The following LSAMP variants were observed in gnomAD, a reference collection of about 807,000 sequenced individuals.
LSAMP encodes limbic system associated membrane protein.
A neutral mutation model predicts 38.6 loss-of-function variants in LSAMP; 7 were observed. The ratio of observed to expected loss-of-function variants is 0.18; its 90% CI spans 0.10 to 0.34. LSAMP has a LOEUF of 0.34. LSAMP is among the 10% of genes least tolerant of loss of function. The probability of loss-of-function intolerance (pLI) is 1.00; values close to 1 mark genes in which losing one functional copy is unlikely to be tolerated. For missense variants in LSAMP, 313 were observed against 420.0 expected (o/e 0.75, Z 2.23); for synonymous variants, 154 against 166.8 (o/e 0.92, Z 0.59).
In LSAMP at chr3:116,119,516, G is replaced by T. The variant is rs1193356776; in HGVS notation, c.156-32960C>A. ...AAAGATAAAATAAAACAAATACTGG[G>T]GTTAGTACATAAAATATATACCATG... On this transcript the variant is annotated intron_variant, in intron 1 of 6. Coordinates refer to ENST00000490035, the MANE Select transcript of LSAMP (RefSeq NM_002338.5). Among the ~76,000 whole-genome samples the T allele has an allele frequency of 3.3e-5, 5 of 151,872 alleles. No homozygotes were observed. In the East Asian group the frequency reaches 9.6e-4, roughly 29 times the overall value.
At chr3:116,063,528 C>A (rs1272568170) in intron 2 of LSAMP, among the ~76,000 whole-genome samples, 1 of 151,904 alleles carries the variant, frequency 6.6e-6, no homozygotes, top group African/African-American at 2.4e-5. Context: ...AACATGAATG[C>A]AAAACAAATA....
chr3:116,287,968 A>C (rs757880255), intron 1 of LSAMP, among the ~76,000 whole-genome samples: 5 of 152,306 alleles, frequency 3.3e-5, no homozygotes, highest in Non-Finnish European at 5.9e-5. Flanking sequence ...ATTTCTAATA[A>C]ATTTGACCTT....
chr3:116,222,289 A>G (rs1474210525), intron 1 of LSAMP, among the ~76,000 whole-genome samples: 1 of 147,770 alleles, frequency 6.8e-6, no homozygotes, highest in Non-Finnish European at 1.5e-5. Context: ...AACCAAATCA[A>G]TTAGATACTT....
intron 1 of LSAMP, among the ~76,000 whole-genome samples, chr3:116,296,509 G>GTCTC (rs2047336180): frequency 6.6e-6 from 1 of 151,692 alleles, no homozygotes; most frequent in African/African-American, 2.4e-5. Context: ...GTGAAACCCC[G>GTCTC]TCTCTACTAA....
At chr3:116,113,289 C>A (rs1386250920) in intron 1 of LSAMP, among the ~76,000 whole-genome samples, 4 of 150,844 alleles carry the variant, frequency 2.7e-5, no homozygotes, top group Non-Finnish European at 5.9e-5. Flanking sequence ...CATTCTCTCT[C>A]TTTATCCCAA....
At chr3:116,327,215 A>G (rs2107736546) in intron 1 of LSAMP, among the ~76,000 whole-genome samples, 1 of 152,300 alleles carries the variant, frequency 6.6e-6, no homozygotes, top group Non-Finnish European at 1.5e-5. Context: ...AACACTGAGT[A>G]ACAGGGAGCC....
chr3:116,102,392 A>AT (rs1708367696), intron 1 of LSAMP, among the ~76,000 whole-genome samples: 1 of 152,188 alleles, frequency 6.6e-6, no homozygotes, highest in South Asian at 2.1e-4. Context: ...AATGAGATTA[A>AT]TTTTATTTGT....
intron 1 of LSAMP, among the ~76,000 whole-genome samples, chr3:116,139,839 G>A (rs902474902): frequency 6.6e-6 from 1 of 151,986 alleles, no homozygotes; most frequent in South Asian, 2.1e-4. Context: ...TTTCAGTATA[G>A]AGAGGGGAGC....
At position 115,881,170 on chromosome 3, in the gene LSAMP, A is replaced by G. The variant is rs1375673158; in HGVS notation, c.515-28553T>C. On this transcript the variant is annotated intron_variant, in intron 3 of 6. Coordinates refer to ENST00000490035, the MANE Select transcript of LSAMP (RefSeq NM_002338.5). Reference sequence around the variant, plus strand: ...ATACTTCAACAAGTAGTGTTTTTACAGTTTGCCACTTGCATTCATAAATGC... The same window carrying G: ...ATACTTCAACAAGTAGTGTTTTTACGGTTTGCCACTTGCATTCATAAATGC... 2.0e-5 allele frequency among the ~76,000 whole-genome samples: 3 copies of G among 152,162 alleles called. No homozygotes were observed. In the East Asian group the frequency reaches 5.8e-4, roughly 29 times the overall value.
At chr3:115,877,711 G>A (rs1936218716) in intron 3 of LSAMP, among the ~76,000 whole-genome samples, 1 of 152,038 alleles carries the variant, frequency 6.6e-6, no homozygotes, top group Non-Finnish European at 1.5e-5. Flanking sequence ...TCACTTTGCT[G>A]CCACAAATGT....
At chr3:116,018,203 T>C (rs1940540068) in intron 3 of LSAMP, among the ~76,000 whole-genome samples, 2 of 152,130 alleles carry the variant, frequency 1.3e-5, no homozygotes, top group African/African-American at 4.8e-5. Context: ...AGTGACACTT[T>C]CTCAAGAAAA....
intron 1 of LSAMP, among the ~76,000 whole-genome samples, chr3:116,352,298 A>T (rs1010882644): frequency 6.6e-6 from 1 of 152,096 alleles, no homozygotes; most frequent in African/African-American, 2.4e-5. Flanking sequence ...TAAAGTACAT[A>T]CTATGAAAGA....
At chr3:115,962,856 C>G (rs1938674694) in intron 3 of LSAMP, among the ~76,000 whole-genome samples, 1 of 152,116 alleles carries the variant, frequency 6.6e-6, no homozygotes, top group African/African-American at 2.4e-5. Context: ...CAGAGGGCAC[C>G]CAGTCTCCAC....
intron 3 of LSAMP, among the ~76,000 whole-genome samples, chr3:115,985,229 A>G (rs1045582651): frequency 2.6e-5 from 4 of 152,324 alleles, no homozygotes; most frequent in Admixed American, 2.6e-4. Flanking sequence ...CCTAGCTAAT[A>G]AAAAATCAGT....
intron 1 of LSAMP, among the ~76,000 whole-genome samples, chr3:116,145,595 C>T (rs186055354): frequency 9.5e-4 from 144 of 151,854 alleles, no homozygotes; most frequent in African/African-American, 3.4e-3. Flanking sequence ...TAATCAGATC[C>T]CCCCCAAAAA....
chr3:115,946,485 A>G (rs1346333456), intron 3 of LSAMP, among the ~76,000 whole-genome samples: 1 of 152,208 alleles, frequency 6.6e-6, no homozygotes, highest in African/African-American at 2.4e-5. Context: ...ACAGCTGCTA[A>G]GAGGCTAGAA....
intron 3 of LSAMP, among the ~76,000 whole-genome samples, chr3:115,936,340 C>T (rs936213198): frequency 2.0e-5 from 3 of 152,194 alleles, no homozygotes; most frequent in Admixed American, 6.5e-5. Context: ...ATTTGGGTTG[C>T]TGCCCCTGAC....
intron 1 of LSAMP, among the ~76,000 whole-genome samples, chr3:116,163,537 C>T (rs562087659): frequency 3.3e-5 from 5 of 151,598 alleles, no homozygotes; most frequent in Admixed American, 6.6e-5. Context: ...AATAAACATA[C>T]GTGTGCATGT....
chr3:115,803,139 T>C lies in LSAMP; in HGVS notation c.*7178A>G, dbSNP rs1222452931. 1.3e-5 allele frequency: 2 copies of C among 152,246 alleles called. No individual in the cohort carries two copies. The highest frequency in any genetic ancestry group is 6.5e-5 in the Admixed American group (1 of 15,280). The allele number at this position is 152,246 out of a possible 1,614,324, so 9.4% of individuals were successfully genotyped here. A position where few individuals can be genotyped will look rare whatever the true frequency, so the allele number is the denominator to read the frequency against. On this transcript the variant is annotated 3_prime_UTR_variant, in exon 7 of 7. Transcript: ENST00000490035. ...AGGATTGTGCAGAGTAGAATGTGGC[T>C]GTAGAAGTAGATCCAGGAGCACTGC...
Sources: gnomAD v4.1 joint callset for allele counts (sites outside exome capture counted in the v4.1 genomes callset) on GRCh38, gnomAD v4.1.1 for gene constraint, MANE v1.5 for transcripts, NCBI Gene and HGNC (gene_info 2026-07-23, HGNC 2026-07-21) for gene names.